Variants in SLC23A2 observed in about 807,000 individuals in gnomAD.
SLC23A2 encodes the protein Na(+)/L-ascorbic acid transporter 2.
A neutral mutation model predicts 73.3 loss-of-function variants in SLC23A2; 36 were observed. That is an observed-to-expected ratio of 0.49 (90% CI 0.38 to 0.65). The LOEUF is 0.65. Ranked by LOEUF, SLC23A2 falls within the 30% of genes least tolerant of loss-of-function variation. SLC23A2 has a pLI of 0.00. For missense variants in SLC23A2, 507 were observed against 841.6 expected, an observed-to-expected ratio of 0.60 and a Z score of 4.92; for synonymous variants, 343 against 327.3, an observed-to-expected ratio of 1.05 and a Z score of -0.52.
In SLC23A2 at chr20:4,998,488, G is replaced by A. The variant is rs774129565; in HGVS notation, c.-282+2918C>T. 2.6e-5 allele frequency among the ~76,000 whole-genome samples: 4 copies of A among 152,186 alleles called. No homozygotes were observed. The highest frequency in any genetic ancestry group is 7.2e-5 in the African/African-American group (3 of 41,528). ...GAACGGCATAGCGCACAAAGGGCTC[G>A]TTTCAACCTAGAGGCTGCAATGCAC... On this transcript the variant is annotated intron_variant, in intron 1 of 16. Coordinates refer to ENST00000338244, the MANE Select transcript of SLC23A2 (RefSeq NM_005116.6). This position sits in a 1 kb window ranked among gnomAD's most constrained non-coding sequence, Gnocchi z 4.1.
Position 4,869,927 on chromosome 20 carries a change from G to T in SLC23A2, c.1229C>A (p.Pro410His), listed in dbSNP as rs765478407. The T allele has an allele frequency of 1.2e-6, 2 of 1,607,716 alleles. No individual in the cohort carries two copies. The highest frequency in any genetic ancestry group is 8.5e-7 in the Non-Finnish European group (1 of 1,174,432). ...ACARLSCAPP[P>H]PIHAINRGIF... ...GTACCTGTTTATTGCGTGGATGGGGGGGGGTGGGGCACAGGACAGCCGTGC... is the reference window on the plus strand; with the variant it reads ...GTACCTGTTTATTGCGTGGATGGGGTGGGGTGGGGCACAGGACAGCCGTGC... Residue 410 changes from proline to histidine, a missense_variant, in exon 12 of 17, where the codon CCC becomes CAC. Transcript: ENST00000338244.
At chr20:4,968,301 A>G (rs1320229386) in intron 2 of SLC23A2, among the ~76,000 whole-genome samples, 4 of 152,204 alleles carry the variant, frequency 2.6e-5, no homozygotes, top group East Asian at 1.9e-4. Context: ...GGTAGGTGGC[A>G]TATGATGCGT....
At chr20:4,875,633 A>G (rs1011314335) in intron 9 of SLC23A2, among the ~76,000 whole-genome samples, 3 of 152,166 alleles carry the variant, frequency 2.0e-5, no homozygotes, top group Admixed American at 1.3e-4. Context: ...CGGCAGGACC[A>G]TGGCACTTCC....
intron 6 of SLC23A2, among the ~76,000 whole-genome samples, chr20:4,890,256 A>T (rs930408342): frequency 1.3e-5 from 2 of 152,202 alleles, no homozygotes; most frequent in African/African-American, 4.8e-5. Flanking sequence ...TGCAGGAAAA[A>T]TTTTTGAAAA....
chr20:4,860,664 G>A (rs778480511), intron 15 of SLC23A2, among the ~76,000 whole-genome samples: 3 of 152,134 alleles, frequency 2.0e-5, no homozygotes, highest in Non-Finnish European at 4.4e-5. Flanking sequence ...GCCAAAGGGC[G>A]GAAACAACCC....
chr20:4,950,800 T>A (rs2087189494), intron 2 of SLC23A2, among the ~76,000 whole-genome samples: 1 of 152,108 alleles, frequency 6.6e-6, no homozygotes, highest in African/African-American at 2.4e-5. Flanking sequence ...AGGGACATCT[T>A]AGAAGATGGG....
intron 1 of SLC23A2, among the ~76,000 whole-genome samples, chr20:4,995,021 A>G (rs1429059134): frequency 6.6e-6 from 1 of 152,192 alleles, no homozygotes; most frequent in African/African-American, 2.4e-5. Context: ...GGTCTGAAGC[A>G]GGGTGGAGAA....
rs1930057688 is a variant in SLC23A2 at position 4,863,299 on chromosome 20, C to T, written c.1357-392G>A. Among the ~76,000 whole-genome samples the T allele has an allele frequency of 6.6e-6, 1 of 152,200 alleles. No individual in the cohort carries two copies. On this transcript the variant is annotated intron_variant, in intron 13 of 16. Coordinates refer to ENST00000338244, the MANE Select transcript of SLC23A2 (RefSeq NM_005116.6). The surrounding 1 kb of genome is among the most constrained non-coding windows in gnomAD (Gnocchi z 4.8). ...CCCACACCGGAAATCAGACCAAACC[C>T]CCAGACATGTCTGGAACCTCCTCTC...
intron 1 of SLC23A2, among the ~76,000 whole-genome samples, chr20:4,976,026 T>A (rs1174140202): frequency 6.6e-6 from 1 of 151,748 alleles, no homozygotes; most frequent in Non-Finnish European, 1.5e-5. Flanking sequence ...GCTAATTTTT[T>A]ATATTTTTAG....
At chr20:4,877,315 G>A (rs1422500789) in intron 9 of SLC23A2, among the ~76,000 whole-genome samples, 1 of 151,970 alleles carries the variant, frequency 6.6e-6, no homozygotes, top group South Asian at 2.1e-4. Context: ...TTTTTTGGTA[G>A]CAGCAAAAAT....
intron 4 of SLC23A2, among the ~76,000 whole-genome samples, chr20:4,912,513 C>G (rs781616014): frequency 1.3e-5 from 2 of 151,998 alleles, no homozygotes; most frequent in Admixed American, 6.5e-5. Flanking sequence ...GCCCAGAGAA[C>G]TTCTATAATT....
At chr20:4,918,800 G>A (rs1222732677) in intron 3 of SLC23A2, among the ~76,000 whole-genome samples, 1 of 152,138 alleles carries the variant, frequency 6.6e-6, no homozygotes, top group Non-Finnish European at 1.5e-5. Flanking sequence ...ATCGTGTCTG[G>A]CCGCTAAGAG....
At chr20:4,900,051 T>C (rs148228525) in intron 5 of SLC23A2, among the ~76,000 whole-genome samples, 125 of 151,852 alleles carry the variant, frequency 8.2e-4, no homozygotes, top group African/African-American at 2.3e-3. Context: ...TTGTATTTTT[T>C]GTAGCGATGG....
rs760070455 is a variant in SLC23A2, at chr20:4,873,975, C to T, written c.1063G>A (p.Val355Met). Residue 355 changes from valine to methionine, a missense_variant, in exon 11 of 17, where the codon GTG becomes ATG. Val to Met is a conservative substitution (Grantham distance 21). This residue lies in a region of SLC23A2 where 217 missense variants were observed against 398.0 expected (regional missense o/e 0.55). Transcript: ENST00000338244. ...FYARTDARQG[V>M]LLVAPWFKVP... ...TTAAACCACGGGGCTACCAGAAGCA[C>T]GCCTTGCCTGGCATCTGTGCGAGCA... 5.0e-6 allele frequency: 8 copies of T among 1,613,994 alleles called. No homozygotes were observed. Among genetic ancestry groups the T allele is most frequent in the Admixed American group, 3.3e-5 (2 of 60,002 alleles).
rs2088059767 is a variant in SLC23A2, at chr20:4,998,435, A to C, written c.-282+2971T>G. Reference sequence around the variant, plus strand: ...ACCTGTGACGAAATAACAGGTTCAAAATAGCAAAGCCACAGAGAAAATGAG... The same window carrying C: ...ACCTGTGACGAAATAACAGGTTCAACATAGCAAAGCCACAGAGAAAATGAG... On this transcript the variant is annotated intron_variant, in intron 1 of 16. Transcript: ENST00000338244. This position sits in a 1 kb window ranked among gnomAD's most constrained non-coding sequence, Gnocchi z 4.1. Among the ~76,000 whole-genome samples, 1 of 152,242 alleles carries C rather than the reference A, an allele frequency of 6.6e-6. No homozygotes were observed. Among genetic ancestry groups the C allele is most frequent in the African/African-American group, 2.4e-5 (1 of 41,474 alleles).
At chr20:4,925,778 G>A (rs1340730702) in intron 3 of SLC23A2, among the ~76,000 whole-genome samples, 1 of 152,162 alleles carries the variant, frequency 6.6e-6, no homozygotes, top group Non-Finnish European at 1.5e-5. Flanking sequence ...CCTCAGCTGA[G>A]AGGCCTTCAG....
intron 3 of SLC23A2, among the ~76,000 whole-genome samples, chr20:4,922,949 G>A (rs755664661): frequency 5.3e-5 from 8 of 151,870 alleles, no homozygotes; most frequent in East Asian, 1.9e-4. Context: ...ATTTTCATTC[G>A]TAACAAATTG....
intron 1 of SLC23A2, among the ~76,000 whole-genome samples, chr20:5,009,479 A>G (rs2122413513): frequency 6.6e-6 from 1 of 152,268 alleles, no homozygotes; most frequent in East Asian, 1.9e-4. Context: ...AATGTATGGA[A>G]ATAAGTTGTT....
At chr20:4,979,551 T>A (rs570728692) in intron 1 of SLC23A2, among the ~76,000 whole-genome samples, 1 of 151,782 alleles carries the variant, frequency 6.6e-6, no homozygotes, top group Non-Finnish European at 1.5e-5. Context: ...CAAAAAAAAA[T>A]GTCTAAATAT....
Sources: allele counts gnomAD v4.1 joint callset (sites outside exome capture counted in the v4.1 genomes callset), GRCh38; gene constraint gnomAD v4.1.1; regional missense constraint gnomAD v4.1.1; non-coding constraint Gnocchi (gnomAD v3.1); transcripts MANE v1.5; gene names NCBI Gene and HGNC (gene_info 2026-07-23, HGNC 2026-07-21).